IRF8: variants seen among roughly 807,000 people sequenced by gnomAD.
IRF8 encodes interferon regulatory factor 8, also known as interferon consensus sequence binding protein 1.
A neutral mutation model predicts 48.7 loss-of-function variants in IRF8; 14 were observed. The ratio of observed to expected loss-of-function variants is 0.29; its 90% confidence interval spans 0.19 to 0.45. The LOEUF is 0.45. Ranked by LOEUF, IRF8 falls within the 20% of genes least tolerant of loss-of-function variation. The probability of loss-of-function intolerance (pLI) is 1.00; values close to 1 mark genes in which losing one functional copy is unlikely to be tolerated. For synonymous variants in IRF8, 278 were observed against 227.3 expected, an observed-to-expected ratio of 1.22 and a Z score of -2.01; for missense variants, 493 against 580.7, an observed-to-expected ratio of 0.85 and a Z score of 1.55.
chr16:85,900,631 T>C (rs2152097813), intron 1 of IRF8, among the ~76,000 whole-genome samples: 1 of 152,334 alleles, frequency 6.6e-6, no homozygotes, highest in African/African-American at 2.4e-5. Context: ...CCGGCCTGGG[T>C]TCCAACACAG....
At chr16:85,903,348 T>C (rs1330098301) in intron 2 of IRF8, 159 bp downstream of exon 2, 3 of 691,392 alleles carry the variant, frequency 4.3e-6, no homozygotes, top group Admixed American at 2.3e-5. Context: ...GTCTCAGACA[T>C]GTACATGAGC....
chr16:85,921,486 C>A lies in IRF8; in HGVS notation c.*204C>A. The A allele has an allele frequency of 1.6e-6, 1 of 620,726 alleles. No homozygotes were observed. The highest frequency in any genetic ancestry group is 2.9e-6 in the Non-Finnish European group (1 of 349,118). 38.5% of individuals were successfully genotyped at this position (620,726 alleles called of 1,614,324 possible). A position where few individuals can be genotyped will look rare whatever the true frequency, so the allele number is the denominator to read the frequency against. ...GCCCTGCCGAGATGTCGGTGATGGC[C>A]TGGATGCTGTAACCACAACCTGTGG... On this transcript the variant is annotated 3_prime_UTR_variant, in exon 9 of 9. Coordinates refer to ENST00000268638, the MANE Select transcript of IRF8 (RefSeq NM_002163.4).
chr16:85,916,902 G>C (rs537017217), intron 6 of IRF8, among the ~76,000 whole-genome samples: 3 of 152,240 alleles, frequency 2.0e-5, no homozygotes, highest in African/African-American at 7.2e-5. Context: ...ATTTCCTTCT[G>C]GGTGACCCTA....
At chr16:85,906,319 C>G (rs1187292933) in intron 2 of IRF8, among the ~76,000 whole-genome samples, 4 of 152,184 alleles carry the variant, frequency 2.6e-5, no homozygotes, top group African/African-American at 9.7e-5. Context: ...CTGAATGAGC[C>G]ATAGTGACTG....
At chr16:85,907,362 CA>C (rs1387039999) in intron 2 of IRF8, among the ~76,000 whole-genome samples, 5 of 152,312 alleles carry the variant, frequency 3.3e-5, no homozygotes, top group African/African-American at 1.2e-4. Flanking sequence ...TAGCTAAATC[CA>C]AATCCCTGGA....
At chr16:85,918,094 G>A (rs1469537948) in intron 6 of IRF8, among the ~76,000 whole-genome samples, 1 of 152,150 alleles carries the variant, frequency 6.6e-6, no homozygotes, top group Non-Finnish European at 1.5e-5. Flanking sequence ...TCGAAACATC[G>A]TTTGCCCTCA....
In IRF8 at chr16:85,918,817, T is replaced by C; in HGVS notation, c.988+14T>C. 6.2e-7 allele frequency: 1 copy of C among 1,604,812 alleles called. No homozygotes were observed. The highest frequency in any genetic ancestry group is 8.5e-7 in the Non-Finnish European group (1 of 1,179,960). ...AGTTCTTCCGAGGTCTGTACCGTCG[T>C]CACCTTGCTGCCCCCACATCTTAGA... On this transcript the variant is annotated intron_variant, in intron 7 of 8. Coordinates refer to ENST00000268638, the MANE Select transcript of IRF8 (RefSeq NM_002163.4).
chr16:85,906,856 C>T (rs1228134479), intron 2 of IRF8, among the ~76,000 whole-genome samples: 1 of 151,986 alleles, frequency 6.6e-6, no homozygotes, highest in African/African-American at 2.4e-5. Context: ...GCTAGGGATG[C>T]CGCTGAATAT....
At chr16:85,915,447 C>T (rs1171041407) in intron 6 of IRF8, among the ~76,000 whole-genome samples, 1 of 152,230 alleles carries the variant, frequency 6.6e-6, no homozygotes, top group African/African-American at 2.4e-5. Flanking sequence ...GGTCGGTGCT[C>T]ACCCAGGCAG....
At chr16:85,920,987 A>C (rs1290030773) in intron 8 of IRF8, 119 bp from the exon 9 acceptor site, 4 of 997,216 alleles carry the variant, frequency 4.0e-6, no homozygotes, top group Admixed American at 2.0e-5. Context: ...ATTCTGGCTC[A>C]TTCACTTGGG....
chr16:85,910,140 A>T (rs1905104015), intron 3 of IRF8, among the ~76,000 whole-genome samples: 1 of 152,210 alleles, frequency 6.6e-6, no homozygotes, highest in Non-Finnish European at 1.5e-5. Context: ...TCTGTGTCAG[A>T]GAGTTGTGTA....
rs544358909 is a variant in IRF8 at position 85,914,405 on chromosome 16, C to T, written c.554-68C>T. 157 of 1,583,080 alleles carry T rather than the reference C, an allele frequency of 9.9e-5. 1 individual carries two copies. The Admixed American group carries it at 1.2e-3, about 12-fold the overall frequency. On this transcript the variant is annotated intron_variant, in intron 5 of 8. Transcript: ENST00000268638. ...TTTTAAGGGACTTTTGGAGAAGGAG[C>T]GATTGGGGTTACTCCCTGTACACCA...
rs530918645 is a variant in IRF8, at chr16:85,914,005, G to A, written c.554-468G>A. The A allele has an allele frequency of 4.9e-5, 10 of 202,692 alleles. No homozygotes were observed. The East Asian group carries it at 7.7e-4, about 16-fold the overall frequency. 12.6% of individuals were successfully genotyped at this position (202,692 alleles called of 1,614,324 possible). A position where few individuals can be genotyped will look rare whatever the true frequency, so the allele number is the denominator to read the frequency against. ...AGTCTGGGAGGTGGCAGCTGGCCCCGGAGGCCTTGAAGGTTGCCAGGCCTT... is the reference window on the plus strand; with the variant it reads ...AGTCTGGGAGGTGGCAGCTGGCCCCAGAGGCCTTGAAGGTTGCCAGGCCTT... On this transcript the variant is annotated intron_variant, in intron 5 of 8. Coordinates refer to ENST00000268638, the MANE Select transcript of IRF8 (RefSeq NM_002163.4).
At position 85,918,355 on chromosome 16, in the gene IRF8, T is replaced by C. The variant is rs546899655; in HGVS notation, c.602-62T>C. 11 of 1,552,730 alleles carry C rather than the reference T, an allele frequency of 7.1e-6. No individual in the cohort carries two copies. In the East Asian group the frequency reaches 2.5e-4, roughly 35 times the overall value. ...GTAGGTGTGAGACAGACTGTGCACT[T>C]GGGCAGGAGGGACCCTGTATGTCTC... is the stretch of plus-strand genomic sequence containing the variant. On this transcript the variant is annotated intron_variant, in intron 6 of 8. Transcript: ENST00000268638.
intron 1 of IRF8, among the ~76,000 whole-genome samples, chr16:85,902,478 T>C (rs1904854908): frequency 6.6e-6 from 1 of 152,236 alleles, no homozygotes; most frequent in Non-Finnish European, 1.5e-5. Context: ...GCTGCTCTTA[T>C]CACTGTGAAG....
chr16:85,900,012 G>A (rs1017462063), intron 1 of IRF8, among the ~76,000 whole-genome samples: 1 of 152,130 alleles, frequency 6.6e-6, no homozygotes, highest in African/African-American at 2.4e-5. Context: ...GGTAAGAACT[G>A]GTAGTTAAAA....
At chr16:85,918,124 ACAG>A (rs1905379889) in intron 6 of IRF8, among the ~76,000 whole-genome samples, 1 of 152,194 alleles carries the variant, frequency 6.6e-6, no homozygotes. Flanking sequence ...GTAAATTACA[ACAG>A]TTACCAGACC....
intron 5 of IRF8, among the ~76,000 whole-genome samples, chr16:85,913,531 G>T (rs868710100): frequency 1.3e-5 from 2 of 152,386 alleles, no homozygotes; most frequent in Middle Eastern, 3.4e-3. Flanking sequence ...AGGGAAGAGG[G>T]TCTAGTGAAC....
chr16:85,912,272 C>G (rs1006018275), intron 4 of IRF8, among the ~76,000 whole-genome samples: 1 of 152,176 alleles, frequency 6.6e-6, no homozygotes, highest in Admixed American at 6.5e-5. Context: ...ATTGGGATGC[C>G]CTTTTCTTCT....
Sources: allele counts gnomAD v4.1 joint callset (sites outside exome capture counted in the v4.1 genomes callset), GRCh38; gene constraint gnomAD v4.1.1; transcripts MANE v1.5; gene names NCBI Gene and HGNC (gene_info 2026-07-23, HGNC 2026-07-21).